The following MAF variants were observed in gnomAD, a reference collection of about 807,000 sequenced individuals.
MAF encodes transcription factor Maf.
In MAF, 10 loss-of-function variants were observed where a neutral mutation model predicts 22.0. The observed-to-expected ratio is 0.45, with a 90% confidence interval of 0.28 to 0.77. The LOEUF (loss-of-function observed/expected upper bound fraction) is 0.77. MAF is among the 30% of genes least tolerant of loss of function. MAF has a pLI of 0.12. For synonymous variants in MAF, 337 were observed against 255.8 expected, an observed-to-expected ratio of 1.32 and a Z score of -3.03; for missense variants, 544 against 548.4, an observed-to-expected ratio of 0.99 and a Z score of 0.08.
the MAF span, among the ~76,000 whole-genome samples, chr16:79,357,316 G>A: frequency 1.3e-5 from 2 of 151,980 alleles, no homozygotes; most frequent in Non-Finnish European, 2.9e-5. Flanking sequence ...GGCCTGTGGT[G>A]GCGGGCGCCT....
At chr16:79,471,909 A>G in the MAF span, among the ~76,000 whole-genome samples, 1 of 152,250 alleles carries the variant, frequency 6.6e-6, no homozygotes, top group Non-Finnish European at 1.5e-5. Context: ...CATCACTGAC[A>G]ACTTTGGGGA....
At chr16:79,451,445 G>T in the MAF span, among the ~76,000 whole-genome samples, 1 of 152,174 alleles carries the variant, frequency 6.6e-6, no homozygotes, top group Non-Finnish European at 1.5e-5. Context: ...CAATGTCTCT[G>T]TCAGCTAAAT....
the MAF span, among the ~76,000 whole-genome samples, chr16:79,453,669 G>T: frequency 9.8e-5 from 15 of 152,292 alleles, no homozygotes; most frequent in African/African-American, 3.6e-4. Flanking sequence ...CTTGCAGGAA[G>T]GATTTCTGGA....
At chr16:79,595,967 A>G in intron 1 of MAF, 1 of 1,061,376 alleles carries the variant, frequency 9.4e-7, no homozygotes, top group Non-Finnish European at 1.1e-6. Flanking sequence ...TGTCATGTTT[A>G]TGTTAAATCT....
At chr16:79,445,047 T>TTTA in the MAF span, among the ~76,000 whole-genome samples, 2 of 152,066 alleles carry the variant, frequency 1.3e-5, no homozygotes, top group Non-Finnish European at 2.9e-5. Flanking sequence ...TTATTTATTT[T>TTTA]TTTTGAGACG....
the MAF span, among the ~76,000 whole-genome samples, chr16:79,459,933 T>C: frequency 6.6e-6 from 1 of 152,186 alleles, no homozygotes; most frequent in Admixed American, 6.5e-5. Context: ...CTTGGATGGA[T>C]TACATTCTTA....
the MAF span, among the ~76,000 whole-genome samples, chr16:79,484,543 G>A: frequency 6.6e-6 from 1 of 152,270 alleles, no homozygotes; most frequent in South Asian, 2.1e-4. Flanking sequence ...ATGGTGGGAG[G>A]GAAGGGCTCA....
chr16:79,453,434 G>T, the MAF span, among the ~76,000 whole-genome samples: 1 of 152,084 alleles, frequency 6.6e-6, no homozygotes, highest in Non-Finnish European at 1.5e-5. Flanking sequence ...GAAGATAAAG[G>T]ACCATTCTGC....
At chr16:79,567,621 C>G in the MAF span, among the ~76,000 whole-genome samples, 442 of 152,288 alleles carry the variant, frequency 2.9e-3, 6 homozygotes, top group African/African-American at 0.01. Flanking sequence ...AAAGTGAGGG[C>G]TTCAGAAGGT....
the MAF span, among the ~76,000 whole-genome samples, chr16:79,492,405 G>C: frequency 6.6e-6 from 1 of 151,766 alleles, no homozygotes; most frequent in Non-Finnish European, 1.5e-5. Context: ...AGAAAGACCG[G>C]ATCTGACCCT....
chr16:79,484,177 C>T, the MAF span, among the ~76,000 whole-genome samples: 1 of 152,212 alleles, frequency 6.6e-6, no homozygotes, highest in East Asian at 1.9e-4. Flanking sequence ...GACCTGCCGA[C>T]AGTCACCTAT....
chr16:79,518,738 C>G, the MAF span, among the ~76,000 whole-genome samples: 1 of 152,046 alleles, frequency 6.6e-6, no homozygotes, highest in Non-Finnish European at 1.5e-5. Context: ...AGTTCAAGAC[C>G]TCATGGAGAA....
chr16:79,249,664 T>A, the MAF span, among the ~76,000 whole-genome samples: 2 of 152,186 alleles, frequency 1.3e-5, no homozygotes, highest in East Asian at 3.9e-4. Flanking sequence ...CTCCCCTCTT[T>A]AGATAATTAA....
the MAF span, among the ~76,000 whole-genome samples, chr16:79,529,635 T>C: frequency 6.6e-6 from 1 of 152,142 alleles, no homozygotes; most frequent in African/African-American, 2.4e-5. Flanking sequence ...TCTGAATTCA[T>C]AGTTGGAAGT....
chr16:79,547,965 G>A, the MAF span, among the ~76,000 whole-genome samples: 1 of 149,172 alleles, frequency 6.7e-6, no homozygotes, highest in Non-Finnish European at 1.5e-5. Flanking sequence ...GGTATAGGAA[G>A]GCTGTTTCCT....
the MAF span, among the ~76,000 whole-genome samples, chr16:79,239,643 A>T: frequency 6.6e-6 from 1 of 152,028 alleles, no homozygotes; most frequent in South Asian, 2.1e-4. Flanking sequence ...CTTTCCTAGC[A>T]TGTCTCACAG....
the MAF span, among the ~76,000 whole-genome samples, chr16:79,462,917 T>C: frequency 6.6e-6 from 1 of 152,188 alleles, no homozygotes; most frequent in African/African-American, 2.4e-5. Context: ...TTTTGGGGTA[T>C]TGCTTAGCAT....
the MAF span, among the ~76,000 whole-genome samples, chr16:79,494,196 G>C: frequency 6.6e-6 from 1 of 152,142 alleles, no homozygotes; most frequent in Middle Eastern, 3.2e-3. Flanking sequence ...CAGTTCCACG[G>C]GTCAGAAGTC....
At chr16:79,440,585 G>C in the MAF span, among the ~76,000 whole-genome samples, 1 of 152,092 alleles carries the variant, frequency 6.6e-6, no homozygotes, top group African/African-American at 2.4e-5. Context: ...ACAGGTATGC[G>C]CCACCATGCC....
Sources: gnomAD v4.1 joint callset for allele counts (sites outside exome capture counted in the v4.1 genomes callset) on GRCh38, gnomAD v4.1.1 for gene constraint, MANE v1.5 for transcripts, NCBI Gene and HGNC (gene_info 2026-07-23, HGNC 2026-07-21) for gene names.